Variants in SLC24A2 observed in about 807,000 individuals in gnomAD.
The protein encoded by SLC24A2 is sodium/potassium/calcium exchanger 2.
In SLC24A2, 36 loss-of-function variants were observed where a neutral mutation model predicts 62.0. That is an observed-to-expected ratio of 0.58 (90% CI 0.44 to 0.77). The LOEUF is 0.77. Ranked by LOEUF, SLC24A2 falls within the 30% of genes least tolerant of loss-of-function variation. The pLI is 0.00. For synonymous variants in SLC24A2, 358 were observed against 294.0 expected, an observed-to-expected ratio of 1.22 and a Z score of -2.23; for missense variants, 846 against 817.9, an observed-to-expected ratio of 1.03 and a Z score of -0.42.
the SLC24A2 span, among the ~76,000 whole-genome samples, chr9:19,806,240 C>A: frequency 1.3e-5 from 2 of 152,092 alleles, no homozygotes; most frequent in African/African-American, 4.8e-5. Flanking sequence ...AGTGCACCCG[C>A]AGATCAGGCA....
intron 2 of SLC24A2, among the ~76,000 whole-genome samples, chr9:19,700,997 T>C (rs1016151820): frequency 1.8e-4 from 27 of 152,190 alleles, no homozygotes; most frequent in African/African-American, 9.7e-5. Context: ...TCATTCTGTA[T>C]ACCCAAACTT....
At chr9:19,528,704 A>G (rs1048211241) in intron 8 of SLC24A2, among the ~76,000 whole-genome samples, 4 of 152,044 alleles carry the variant, frequency 2.6e-5, no homozygotes, top group Non-Finnish European at 5.9e-5. Context: ...CACCACCACA[A>G]CTTTTATAGA....
chr9:19,843,894 A>G, the SLC24A2 span, among the ~76,000 whole-genome samples: 1 of 152,156 alleles, frequency 6.6e-6, no homozygotes, highest in African/African-American at 2.4e-5. Context: ...CATGGTGTAT[A>G]TGTATGACAT....
chr9:19,700,981 C>T (rs557775192), intron 2 of SLC24A2, among the ~76,000 whole-genome samples: 5 of 152,278 alleles, frequency 3.3e-5, no homozygotes, highest in South Asian at 4.2e-4. Flanking sequence ...CAAGAATACT[C>T]GCTGTTCATT....
intron 5 of SLC24A2, among the ~76,000 whole-genome samples, chr9:19,580,609 A>G (rs952541306): frequency 1.3e-4 from 20 of 152,212 alleles, no homozygotes; most frequent in Admixed American, 7.2e-4. Flanking sequence ...TTCCCAAGTC[A>G]CAAACTGTGA....
chr9:19,643,288 C>T (rs1401652037), intron 2 of SLC24A2, among the ~76,000 whole-genome samples: 1 of 152,178 alleles, frequency 6.6e-6, no homozygotes, highest in Non-Finnish European at 1.5e-5. Context: ...ACTGAACTAT[C>T]TGCAGAGATC....
At chr9:20,229,469 T>C in the SLC24A2 span, among the ~76,000 whole-genome samples, 1 of 152,296 alleles carries the variant, frequency 6.6e-6, no homozygotes, top group Admixed American at 6.5e-5. Flanking sequence ...CTTGTTAAAA[T>C]TAGAGACTCT....
the SLC24A2 span, among the ~76,000 whole-genome samples, chr9:20,231,408 A>G: frequency 6.6e-6 from 1 of 151,974 alleles, no homozygotes; most frequent in African/African-American, 2.4e-5. Flanking sequence ...CTTTTATTTC[A>G]TTGAGCAGTG....
At chr9:19,559,775 G>C (rs1835300501) in intron 7 of SLC24A2, among the ~76,000 whole-genome samples, 1 of 152,272 alleles carries the variant, frequency 6.6e-6, no homozygotes, top group African/African-American at 2.4e-5. Flanking sequence ...GGCTGGCTCA[G>C]AAATAGTAAG....
At chr9:20,077,954 G>T in the SLC24A2 span, among the ~76,000 whole-genome samples, 2 of 152,136 alleles carry the variant, frequency 1.3e-5, no homozygotes, top group African/African-American at 4.8e-5. Flanking sequence ...ATTAGAACTA[G>T]AGGTTAGGCT....
intron 2 of SLC24A2, chr9:19,705,455 A>T (rs1409495895): frequency 5.4e-6 from 1 of 186,724 alleles, no homozygotes; most frequent in Non-Finnish European, 1.2e-5. Context: ...CCACCTCAAG[A>T]AGTGGGCATC....
chr9:20,101,434 T>A, the SLC24A2 span, among the ~76,000 whole-genome samples: 1 of 152,352 alleles, frequency 6.6e-6, no homozygotes, highest in South Asian at 2.1e-4. Context: ...ACTGTTTGCC[T>A]TGGGGCAGAT....
the SLC24A2 span, among the ~76,000 whole-genome samples, chr9:20,084,709 T>G: frequency 6.6e-6 from 1 of 152,130 alleles, no homozygotes; most frequent in African/African-American, 2.4e-5. Context: ...GGCTCATTAT[T>G]TCTATGCAAC....
chr9:20,138,992 C>T, the SLC24A2 span, among the ~76,000 whole-genome samples: 1 of 152,178 alleles, frequency 6.6e-6, no homozygotes, highest in African/African-American at 2.4e-5. Context: ...TCTGTTCTCA[C>T]CCCCACTCCT....
chr9:20,260,424 G>A, the SLC24A2 span, among the ~76,000 whole-genome samples: 1 of 152,016 alleles, frequency 6.6e-6, no homozygotes, highest in Admixed American at 6.5e-5. Context: ...AAGTTAATGG[G>A]AAATAATAAC....
the SLC24A2 span, among the ~76,000 whole-genome samples, chr9:20,092,178 C>A: frequency 6.6e-6 from 1 of 152,200 alleles, no homozygotes. Flanking sequence ...ATAATCTGTA[C>A]AACAAACCCC....
intron 4 of SLC24A2, among the ~76,000 whole-genome samples, chr9:19,613,972 T>C (rs950483217): frequency 6.6e-6 from 1 of 152,178 alleles, no homozygotes; most frequent in Non-Finnish European, 1.5e-5. Flanking sequence ...TGAGATGGTT[T>C]ATATAAAGCA....
the SLC24A2 span, chr9:19,928,045 CCCCACA>C: frequency 6.6e-6 from 1 of 152,440 alleles, no homozygotes; most frequent in Non-Finnish European, 1.5e-5. Context: ...CTGGAGCTGG[CCCCACA>C]CCAGCGACCT....
the SLC24A2 span, among the ~76,000 whole-genome samples, chr9:20,298,128 C>T: frequency 3.1e-4 from 47 of 152,278 alleles, no homozygotes; most frequent in African/African-American, 1.1e-3. Context: ...TCAGACAGTG[C>T]CAGGCACAGT....
Sources: allele counts gnomAD v4.1 joint callset (sites outside exome capture counted in the v4.1 genomes callset), GRCh38; gene constraint gnomAD v4.1.1; transcripts MANE v1.5; gene names NCBI Gene and HGNC (gene_info 2026-07-23, HGNC 2026-07-21).